Variants in SATB2 observed in about 807,000 individuals in gnomAD.
SATB2 encodes the protein SATB homeobox 2, also known as DNA-binding protein SATB2.
A neutral mutation model predicts 73.4 loss-of-function variants in SATB2; 1 was observed. The ratio of observed to expected loss-of-function variants is 0.01; its 90% CI spans 0.00 to 0.06. The LOEUF (loss-of-function observed/expected upper bound fraction) is 0.06, where lower values mean the gene tolerates loss of function less well. Ranked by LOEUF, SATB2 falls within the 10% of genes least tolerant of loss-of-function variation. The probability of loss-of-function intolerance (pLI) is 1.00; values close to 1 mark genes in which losing one functional copy is unlikely to be tolerated. For synonymous variants in SATB2, 397 were observed against 367.0 expected, an observed-to-expected ratio of 1.08 and a Z score of -0.93; for missense variants, 459 against 945.8, an observed-to-expected ratio of 0.49 and a Z score of 6.75.
upstream of SATB2, among the ~76,000 whole-genome samples, chr2:199,462,201 C>T (rs1039984308): frequency 2.0e-5 from 3 of 152,228 alleles, no homozygotes; most frequent in Non-Finnish European, 4.4e-5. The surrounding 1 kb of genome is among the most constrained non-coding windows in gnomAD (Gnocchi z 5.9). Flanking sequence ...CAAAAGCTTT[C>T]GACGGCTTCT....
intron 7 of SATB2, among the ~76,000 whole-genome samples, chr2:199,335,845 A>T (rs1304984225): frequency 6.6e-6 from 1 of 152,178 alleles, no homozygotes; most frequent in Non-Finnish European, 1.5e-5. Context: ...ATTAAGTAAA[A>T]CACTTGTCTC....
chr2:199,369,035 G>A lies in SATB2; in HGVS notation c.598-328C>T, dbSNP rs80241823. 1.3e-3 allele frequency: 307 copies of A among 241,082 alleles called. No individual in the cohort carries two copies. In the East Asian group the frequency reaches 0.018, roughly 14 times the overall value. The allele number at this position is 241,082 out of a possible 1,614,324, so 14.9% of individuals were successfully genotyped here. ...GGTGAGATCAGATGCTCCAGCATCC[G>A]TAATCCAAATAATGCCTTTCAGATG... On this transcript the variant is annotated intron_variant, in intron 5 of 10. Transcript: ENST00000417098.
upstream of SATB2, among the ~76,000 whole-genome samples, chr2:199,460,966 C>T (rs933559042): frequency 1.3e-5 from 2 of 152,090 alleles, no homozygotes; most frequent in African/African-American, 4.8e-5. The surrounding 1 kb of genome is among the most constrained non-coding windows in gnomAD (Gnocchi z 4.0). Context: ...TTGCTTTTCT[C>T]TTTACTGGAG....
chr2:199,336,931 T>C (rs1688353589), intron 7 of SATB2, among the ~76,000 whole-genome samples: 1 of 152,176 alleles, frequency 6.6e-6, no homozygotes. Flanking sequence ...ATAATTCTGC[T>C]TCCCTTATAG....
At chr2:199,438,836 G>A (rs1024820658) in intron 2 of SATB2, among the ~76,000 whole-genome samples, 1 of 152,176 alleles carries the variant, frequency 6.6e-6, no homozygotes, top group Non-Finnish European at 1.5e-5. Flanking sequence ...ATTATTTTCA[G>A]TTAATAAATT....
At chr2:199,414,240 T>C (rs528959616) in intron 3 of SATB2, among the ~76,000 whole-genome samples, 1 of 152,280 alleles carries the variant, frequency 6.6e-6, no homozygotes, top group East Asian at 1.9e-4. Flanking sequence ...CTCTCACACA[T>C]CACCTCCCTC....
intron 2 of SATB2, among the ~76,000 whole-genome samples, chr2:199,445,514 A>G (rs911488672): frequency 6.6e-5 from 10 of 152,202 alleles, no homozygotes; most frequent in African/African-American, 2.4e-4. Context: ...CAGACTTTCA[A>G]TGGTAAGCCC....
At chr2:199,312,533 C>T (rs1017596177) in intron 9 of SATB2, among the ~76,000 whole-genome samples, 12 of 152,190 alleles carry the variant, frequency 7.9e-5, no homozygotes, top group Middle Eastern at 3.4e-3. Flanking sequence ...CATTAAATAA[C>T]GGGGTGACCT....
intron 6 of SATB2, among the ~76,000 whole-genome samples, chr2:199,350,811 T>G (rs1688792697): frequency 6.6e-6 from 1 of 151,832 alleles, no homozygotes; most frequent in Non-Finnish European, 1.5e-5. Flanking sequence ...TCACCTGAGG[T>G]CAGGAGTTTG....
intron 6 of SATB2, among the ~76,000 whole-genome samples, chr2:199,367,576 G>T (rs1365310848): frequency 6.6e-6 from 1 of 152,070 alleles, no homozygotes; most frequent in East Asian, 1.9e-4. Context: ...AGTAGTAAAA[G>T]AAACAAATTC....
At chr2:199,445,387 G>A (rs1211534999) in intron 2 of SATB2, among the ~76,000 whole-genome samples, 1 of 152,148 alleles carries the variant, frequency 6.6e-6, no homozygotes, top group Non-Finnish European at 1.5e-5. Flanking sequence ...GTTCTGCCAT[G>A]GCAGCAAAAA....
At chr2:199,386,730 A>G (rs1237928920) in intron 3 of SATB2, among the ~76,000 whole-genome samples, 30 of 58,014 alleles carry the variant, frequency 5.2e-4, no homozygotes, top group African/African-American at 8.1e-4. Flanking sequence ...ACACACACAC[A>G]CACACACACA....
chr2:199,469,182 C>T (rs1168720983), upstream of SATB2, among the ~76,000 whole-genome samples: 1 of 152,178 alleles, frequency 6.6e-6, no homozygotes, highest in Non-Finnish European at 1.5e-5. Context: ...CCACTACAGG[C>T]AAGGCAGGAA....
At chr2:199,422,056 T>C (rs1253872200) in intron 3 of SATB2, among the ~76,000 whole-genome samples, 6 of 152,184 alleles carry the variant, frequency 3.9e-5, no homozygotes, top group Non-Finnish European at 8.8e-5. Context: ...ATGTTTCTCA[T>C]TTGATTTGAA....
At chr2:199,333,371 G>A (rs562477205) in intron 7 of SATB2, among the ~76,000 whole-genome samples, 1 of 152,062 alleles carries the variant, frequency 6.6e-6, no homozygotes, top group Non-Finnish European at 1.5e-5. Context: ...TCAAAGGAGG[G>A]AGAAAGTATT....
Position 199,457,635 on chromosome 2 carries a change from C to T in SATB2, c.-356G>A. The T allele has an allele frequency of 6.7e-6, 1 of 149,534 alleles. No homozygotes were observed. Among genetic ancestry groups the T allele is most frequent in the Non-Finnish European group, 1.5e-5 (1 of 67,156 alleles). The allele number at this position is 149,534 out of a possible 1,614,324, so 9.3% of individuals were successfully genotyped here. ...CCCGAGCGAGCGGGGGAGGGGACGG[C>T]GGAGGAGGGGGGAAGAGAAGGAGGC... On this transcript the variant is annotated 5_prime_UTR_variant, in exon 1 of 11. Coordinates refer to ENST00000417098, the MANE Select transcript of SATB2 (RefSeq NM_001172509.2). The surrounding 1 kb of genome is among the most constrained non-coding windows in gnomAD (Gnocchi z 4.8).
chr2:199,417,863 C>T (rs146587203), intron 3 of SATB2, among the ~76,000 whole-genome samples: 1 of 152,242 alleles, frequency 6.6e-6, no homozygotes, highest in African/African-American at 2.4e-5. Context: ...TAAGTTGATG[C>T]AGTCATGGAA....
intron 6 of SATB2, among the ~76,000 whole-genome samples, chr2:199,364,539 C>T (rs969477151): frequency 3.3e-5 from 5 of 152,210 alleles, no homozygotes; most frequent in Middle Eastern, 3.4e-3. Flanking sequence ...AACAATCAGA[C>T]GGTTCTTGGG....
upstream of SATB2, chr2:199,458,879 G>A (rs1692389599): frequency 3.3e-6 from 1 of 303,334 alleles, no homozygotes; most frequent in Non-Finnish European, 6.4e-6. Context: ...CGCCGCGCGC[G>A]CAGGGAAGGC....
Sources: allele counts gnomAD v4.1 joint callset (sites outside exome capture counted in the v4.1 genomes callset), GRCh38; gene constraint gnomAD v4.1.1; non-coding constraint Gnocchi (gnomAD v3.1); transcripts MANE v1.5; gene names NCBI Gene and HGNC (gene_info 2026-07-23, HGNC 2026-07-21).